The following LRRC45 variants were observed in gnomAD, a reference collection of about 807,000 sequenced individuals.
LRRC45 encodes the protein leucine rich repeat containing 45.
Under a neutral mutation model 85.4 loss-of-function variants are expected in LRRC45, and 73 were observed. The observed-to-expected ratio is 0.85, with a 90% CI of 0.71 to 1.04. The LOEUF is 1.04. Ranked by LOEUF, LRRC45 falls within the 50% of genes least tolerant of loss-of-function variation. The probability of loss-of-function intolerance (pLI) is 0.00; values close to 1 mark genes in which losing one functional copy is unlikely to be tolerated. For synonymous variants in LRRC45, 429 were observed against 386.0 expected, an observed-to-expected ratio of 1.11 and a Z score of -1.31; for missense variants, 937 against 883.3, an observed-to-expected ratio of 1.06 and a Z score of -0.77.
intron 7 of LRRC45, 106 bp from the exon 8 acceptor site, chr17:82,027,568 A>G: frequency 6.5e-7 from 1 of 1,534,312 alleles, no homozygotes; most frequent in Non-Finnish European, 9.0e-7. Context: ...CTCAGTGCCC[A>G]GGCGACCATA....
chr17:82,029,700 A>T, intron 14 of LRRC45, 65 bp downstream of exon 14: 2 of 1,453,018 alleles, frequency 1.4e-6, no homozygotes, highest in Non-Finnish European at 1.9e-6. Flanking sequence ...GCCCGCATGC[A>T]GACTCCAGAG....
chr17:82,024,596 A>C, intron 2 of LRRC45, 97 bp from the exon 3 acceptor site: 1 of 1,382,640 alleles, frequency 7.2e-7, no homozygotes, highest in Non-Finnish European at 9.9e-7. Flanking sequence ...GGTGCACCCC[A>C]GGCTTGTCCC....
chr17:82,024,420 C>T, intron 2 of LRRC45, 81 bp downstream of exon 2: 1 of 1,550,370 alleles, frequency 6.5e-7, no homozygotes, highest in Non-Finnish European at 8.8e-7. Flanking sequence ...GTCTCGGGGG[C>T]CTGGGGTCTG....
rs1473305536 is a variant in LRRC45 at position 82,025,010 on chromosome 17, G to C, written c.364G>C (p.Glu122Gln). The change falls in exon 4 of 17, where the codon GAG (glutamate) becomes CAG (glutamine). Residue 122 changes from glutamate (E) to glutamine (Q), a missense_variant. Glu to Gln is a conservative substitution (Grantham distance 29, BLOSUM62 2). Transcript: ENST00000306688. ...CTGCCCCTCCTGCAGCCTCACGCTGGAGTGGAACAGCCTGGGCACGTGGGA... is the reference window on the plus strand; with the variant it reads ...CTGCCCCTCCTGCAGCCTCACGCTGCAGTGGAACAGCCTGGGCACGTGGGA... ...QNKSIQSLTL[E>Q]WNSLGTWDDA... The C allele has an allele frequency of 1.3e-6, 2 of 1,587,670 alleles. No homozygotes were observed. Among genetic ancestry groups the C allele is most frequent in the South Asian group, 1.1e-5 (1 of 87,532 alleles).
At chr17:82,024,207 G>A in intron 1 of LRRC45, 71 bp from the exon 2 acceptor site, 1 of 1,565,630 alleles carries the variant, frequency 6.4e-7, no homozygotes, top group Non-Finnish European at 8.7e-7. Flanking sequence ...GAGCTGCCCT[G>A]AAAAGGGGCC....
In LRRC45 at chr17:82,028,043, C is replaced by T. The variant is rs774061951; in HGVS notation, c.944C>T (p.Ser315Leu). Residue 315 changes from serine to leucine, a missense_variant, in exon 9 of 17, where the codon TCG becomes TTG. Ser to Leu is a moderately radical substitution (Grantham distance 145). Coordinates refer to ENST00000306688, the MANE Select transcript of LRRC45 (RefSeq NM_144999.4). ...ATGACAGAGGCCGCCCTGGCTCTGT[C>T]GGAGCAGAAGGCCCAGGACCTGGGG... is the stretch of plus-strand genomic sequence containing the variant. ...LQMTEAALAL[S>L]EQKAQDLGEL... The T allele has an allele frequency of 5.6e-6, 9 of 1,606,686 alleles. No homozygotes were observed. Among genetic ancestry groups the T allele is most frequent in the Admixed American group, 1.7e-5 (1 of 59,568 alleles).
intron 2 of LRRC45, 149 bp from the exon 3 acceptor site, chr17:82,024,543 GC>G: frequency 9.6e-7 from 1 of 1,039,774 alleles, no homozygotes; most frequent in Non-Finnish European, 1.4e-6. Context: ...GCCCTTGGAA[GC>G]CCCCTGAAGA....
Position 82,031,089 on chromosome 17 carries a change from G to C in LRRC45, c.*284G>C, listed in dbSNP as rs753730831. On this transcript the variant is annotated 3_prime_UTR_variant, in exon 17 of 17. Transcript: ENST00000306688. ...CCCTCGCCTTTTGCGATGTCACCGTGAACGCTGCGGCCGCCTGCGCGCGGC... is the reference window on the plus strand; with the variant it reads ...CCCTCGCCTTTTGCGATGTCACCGTCAACGCTGCGGCCGCCTGCGCGCGGC... 207 of 369,002 alleles carry C rather than the reference G, an allele frequency of 5.6e-4. 1 individual carries two copies. The highest frequency in any genetic ancestry group is 8.2e-4 in the Non-Finnish European group (170 of 206,970). The allele number at this position is 369,002 out of a possible 1,614,324, so 22.9% of individuals were successfully genotyped here.
In LRRC45 at chr17:82,030,856, AG is replaced by A; in HGVS notation, c.*52del. On this transcript the variant is annotated 3_prime_UTR_variant, in exon 17 of 17. Coordinates refer to ENST00000306688, the MANE Select transcript of LRRC45 (RefSeq NM_144999.4). Reference sequence around the variant, plus strand: ...GTAGGAGTGCATCAGGCGGCGCCCGAGATGGACCAGGGGCTGCGTCCCGCCC... The same window carrying A: ...GTAGGAGTGCATCAGGCGGCGCCCGAATGGACCAGGGGCTGCGTCCCGCCC... 8.0e-7 allele frequency: 1 copy of A among 1,255,706 alleles called. No homozygotes were observed. Among genetic ancestry groups the A allele is most frequent in the African/African-American group, 1.5e-5 (1 of 65,170 alleles). The allele number at this position is 1,255,706 out of a possible 1,614,324, so 77.8% of individuals were successfully genotyped here.
At chr17:82,028,710 G>A (rs775647661) in intron 12 of LRRC45, 27 bp downstream of exon 12, 18 of 1,596,482 alleles carry the variant, frequency 1.1e-5, no homozygotes, top group Middle Eastern at 1.7e-4. Context: ...CCTCTAATGC[G>A]CCTCAGTCTC....
intron 7 of LRRC45, 67 bp from the exon 8 acceptor site, chr17:82,027,607 A>C: frequency 6.4e-7 from 1 of 1,557,580 alleles, no homozygotes; most frequent in Non-Finnish European, 8.8e-7. Flanking sequence ...GCAGCTACCG[A>C]GGCCAGAGGG....
Position 82,030,482 on chromosome 17 carries a change from G to A in LRRC45, c.1816+16G>A, listed in dbSNP as rs1039634025. ...CAGCTGAAAGGTGAGCCAGACCCTTGTCCTCCCGCCGCCCACTGGTGGGAC... is the reference window on the plus strand; with the variant it reads ...CAGCTGAAAGGTGAGCCAGACCCTTATCCTCCCGCCGCCCACTGGTGGGAC... On this transcript the variant is annotated intron_variant, in intron 16 of 16. Transcript: ENST00000306688. 1 of 1,537,168 alleles carries A rather than the reference G, an allele frequency of 6.5e-7. No homozygotes were observed. Among genetic ancestry groups the A allele is most frequent in the Non-Finnish European group, 8.7e-7 (1 of 1,144,880 alleles).
At chr17:82,024,865 A>G in intron 3 of LRRC45, 102 bp downstream of exon 3, 1 of 1,445,220 alleles carries the variant, frequency 6.9e-7, no homozygotes, top group Non-Finnish European at 9.2e-7. Context: ...CCAGGTGCCC[A>G]TGTTTCACAT....
At position 82,024,936 on chromosome 17, in the gene LRRC45, A is replaced by G. The variant is rs1022359100; in HGVS notation, c.354-64A>G. Reference sequence around the variant, plus strand: ...AGACCCCAAGCCCACACCCGTCCCCAAGCCCTGGACCCCACGGGCTAGGCA... The same window carrying G: ...AGACCCCAAGCCCACACCCGTCCCCGAGCCCTGGACCCCACGGGCTAGGCA... On this transcript the variant is annotated intron_variant, in intron 3 of 16. Transcript: ENST00000306688. 1.2e-4 allele frequency: 172 copies of G among 1,463,756 alleles called. 1 individual carries two copies. The highest frequency in any genetic ancestry group is 1.5e-4 in the Non-Finnish European group (164 of 1,100,996). 90.7% of individuals were successfully genotyped at this position (1,463,756 alleles called of 1,614,324 possible).
In LRRC45 at chr17:82,028,043, C is replaced by A; in HGVS notation, c.944C>A (p.Ser315Ter). Residue 315 changes from serine to a stop codon, truncating the protein, a stop_gained, in exon 9 of 17, where the codon TCG becomes TAG. Coordinates refer to ENST00000306688, the MANE Select transcript of LRRC45 (RefSeq NM_144999.4). LOFTEE classifies it high-confidence loss of function. ...ATGACAGAGGCCGCCCTGGCTCTGT[C>A]GGAGCAGAAGGCCCAGGACCTGGGG... ...LQMTEAALAL[S>*]EQKAQDLGEL... is the part of the protein sequence containing the mutation. The A allele has an allele frequency of 6.2e-7, 1 of 1,606,686 alleles. No individual in the cohort carries two copies. The highest frequency in any genetic ancestry group is 8.5e-7 in the Non-Finnish European group (1 of 1,178,138).
chr17:82,025,001 C>T lies in LRRC45; in HGVS notation c.355C>T (p.Leu119Phe). The T allele has an allele frequency of 6.4e-7, 1 of 1,573,320 alleles. No homozygotes were observed. The highest frequency in any genetic ancestry group is 8.6e-7 in the Non-Finnish European group (1 of 1,158,496). Residue 119 changes from leucine to phenylalanine, a missense_variant and splice_region_variant, in exon 4 of 17, where the codon CTC becomes TTC. Transcript: ENST00000306688. Reference sequence around the variant, plus strand: ...CACTGGCTTCTGCCCCTCCTGCAGCCTCACGCTGGAGTGGAACAGCCTGGG... The same window carrying T: ...CACTGGCTTCTGCCCCTCCTGCAGCTTCACGCTGGAGTGGAACAGCCTGGG... Reference protein sequence around the residue: ...LLQQNKSIQSLTLEWNSLGTW... With the variant: ...LLQQNKSIQSFTLEWNSLGTW...
rs776861700 is a variant in LRRC45 at position 82,030,626 on chromosome 17, C to G, written c.1834C>G (p.Arg612Gly). ...RQLKVMASDHREALLDRESEN... is the reference protein window; with the variant it reads ...RQLKVMASDHGEALLDRESEN... Reference sequence around the variant, plus strand: ...CCCTGCAGTGATGGCGAGCGACCACCGAGAGGCGCTGCTGGACAGGGAGAG... The same window carrying G: ...CCCTGCAGTGATGGCGAGCGACCACGGAGAGGCGCTGCTGGACAGGGAGAG... Residue 612 changes from arginine (R) to glycine (G), a missense_variant, in exon 17 of 17, where the codon CGA becomes GGA. Transcript: ENST00000306688. 4.1e-5 allele frequency: 58 copies of G among 1,403,608 alleles called. No homozygotes were observed. Among genetic ancestry groups the G allele is most frequent in the Non-Finnish European group, 5.0e-5 (54 of 1,081,226 alleles). The allele number at this position is 1,403,608 out of a possible 1,614,324, so 86.9% of individuals were successfully genotyped here. A position where few individuals can be genotyped will look rare whatever the true frequency, so the allele number is the denominator to read the frequency against.
intron 5 of LRRC45, among the ~76,000 whole-genome samples, chr17:82,026,134 C>T (rs1379352211): frequency 1.3e-5 from 2 of 152,222 alleles, no homozygotes; most frequent in Non-Finnish European, 2.9e-5. Flanking sequence ...CCAGCTGCGC[C>T]GTCCCTGGCT....
chr17:82,029,692 C>T (rs969738629), intron 14 of LRRC45, 57 bp downstream of exon 14: 22 of 1,491,060 alleles, frequency 1.5e-5, no homozygotes, highest in Non-Finnish European at 1.9e-5. Context: ...GCATTGCGGC[C>T]CGCATGCAGA....
Sources: gnomAD v4.1 joint callset for allele counts (sites outside exome capture counted in the v4.1 genomes callset) on GRCh38, gnomAD v4.1.1 for gene constraint, MANE v1.5 for transcripts, NCBI Gene and HGNC (gene_info 2026-07-23, HGNC 2026-07-21) for gene names.